Variants in JAK2 observed in about 807,000 individuals in gnomAD.
JAK2 encodes Janus kinase 2, also known as tyrosine-protein kinase JAK2.
A neutral mutation model predicts 139.3 loss-of-function variants in JAK2; 86 were observed. The ratio of observed to expected loss-of-function variants is 0.62; its 90% confidence interval spans 0.52 to 0.74. The LOEUF (loss-of-function observed/expected upper bound fraction) is 0.74, where lower values mean the gene tolerates loss of function less well. Ranked by LOEUF, JAK2 falls within the 30% of genes least tolerant of loss-of-function variation. The pLI is 0.00. For missense variants in JAK2, 1,421 were observed against 1,360.3 expected, an observed-to-expected ratio of 1.04 and a Z score of -0.70; for synonymous variants, 490 against 437.7, an observed-to-expected ratio of 1.12 and a Z score of -1.49.
intron 22 of JAK2, among the ~76,000 whole-genome samples, chr9:5,117,977 G>C (rs1823332844): frequency 6.6e-6 from 1 of 152,132 alleles, no homozygotes; most frequent in Non-Finnish European, 1.5e-5. Flanking sequence ...TTTTTAAATT[G>C]ATAGCTAATT....
intron 4 of JAK2, among the ~76,000 whole-genome samples, chr9:5,032,320 G>A (rs1468036771): frequency 6.6e-6 from 1 of 152,210 alleles, no homozygotes; most frequent in Non-Finnish European, 1.5e-5. Context: ...CCACCTCTGG[G>A]GGCAGGGCAT....
intron 22 of JAK2, among the ~76,000 whole-genome samples, chr9:5,093,466 G>A (rs1196965229): frequency 1.3e-5 from 2 of 152,148 alleles, no homozygotes; most frequent in Non-Finnish European, 2.9e-5. Flanking sequence ...TGTCTCTTAC[G>A]TTTAATCAGT....
intron 11 of JAK2, 65 bp from the exon 12 acceptor site, chr9:5,069,860 C>G (rs1356968816): frequency 9.3e-7 from 1 of 1,080,138 alleles, no homozygotes; most frequent in Admixed American, 2.7e-5. Flanking sequence ...CATTTTACTC[C>G]TCTTTGGAGC....
intron 23 of JAK2, among the ~76,000 whole-genome samples, chr9:5,124,841 G>A (rs1213400462): frequency 1.3e-5 from 2 of 151,376 alleles, no homozygotes; most frequent in African/African-American, 4.8e-5. Context: ...TTTATCCAAA[G>A]AATAGTAAGC....
intron 23 of JAK2, among the ~76,000 whole-genome samples, chr9:5,124,540 C>A (rs1452530836): frequency 4.6e-5 from 7 of 151,722 alleles, no homozygotes; most frequent in Admixed American, 2.6e-4. Context: ...CATTTGTTCA[C>A]AGAATTAGAA....
At chr9:5,028,841 C>G (rs768741674) in intron 3 of JAK2, among the ~76,000 whole-genome samples, 1 of 152,226 alleles carries the variant, frequency 6.6e-6, no homozygotes, top group Non-Finnish European at 1.5e-5. Flanking sequence ...GGGCCTTGCT[C>G]TGGTTTAGGG....
intron 22 of JAK2, chr9:5,114,144 G>A (rs1290102913): frequency 2.5e-6 from 1 of 395,610 alleles, no homozygotes; most frequent in Non-Finnish European, 5.0e-6. Flanking sequence ...TAACACCTTT[G>A]AGGACAGTGC....
chr9:5,124,213 AT>A (rs1823828450), intron 23 of JAK2, among the ~76,000 whole-genome samples: 1 of 151,982 alleles, frequency 6.6e-6, no homozygotes. Context: ...TTTTAGCTTA[AT>A]AAAGTCTCAT....
At chr9:5,076,384 C>T (rs1470612014) in intron 14 of JAK2, among the ~76,000 whole-genome samples, 3 of 152,176 alleles carry the variant, frequency 2.0e-5, no homozygotes, top group Admixed American at 2.0e-4. Flanking sequence ...GAAACTGCCA[C>T]AGCTACCTGA....
intron 22 of JAK2, among the ~76,000 whole-genome samples, chr9:5,105,896 T>A (rs1821914237): frequency 6.6e-6 from 1 of 152,232 alleles, no homozygotes; most frequent in African/African-American, 2.4e-5. Context: ...TCCTTACACC[T>A]TATAGAAAAA....
chr9:5,066,763 A>G lies in JAK2; in HGVS notation c.1300A>G (p.Lys434Glu), dbSNP rs1263357359. The part of the protein sequence containing the change: ...VLRCSPKDFN[K>E]YFLTFAVERE... ...TCGATGCAGTCCTAAGGACTTTAAT[A>G]AATATTTTTTGACTTTTGCTGTCGA... Residue 434 changes from lysine (K) to glutamate (E), a missense_variant, in exon 10 of 25, where the codon AAA becomes GAA. By Grantham distance (56) the Lys-to-Glu change is moderately conservative. Transcript: ENST00000381652. 1.3e-6 allele frequency: 2 copies of G among 1,563,014 alleles called. No homozygotes were observed. The highest frequency in any genetic ancestry group is 8.6e-7 in the Non-Finnish European group (1 of 1,156,714).
chr9:5,028,745 C>A (rs942883150), intron 3 of JAK2, among the ~76,000 whole-genome samples: 6 of 152,174 alleles, frequency 3.9e-5, no homozygotes, highest in Non-Finnish European at 8.8e-5. Context: ...TTTTCTTAAA[C>A]CTCATGAACC....
intron 22 of JAK2, chr9:5,110,663 T>C (rs1253992376): frequency 4.1e-6 from 1 of 242,444 alleles, no homozygotes; most frequent in African/African-American, 2.3e-5. Context: ...CCACAAATAC[T>C]GTCATATACC....
intron 19 of JAK2, among the ~76,000 whole-genome samples, chr9:5,088,879 G>A (rs975954565): frequency 2.6e-5 from 4 of 152,128 alleles, no homozygotes; most frequent in African/African-American, 4.8e-5. Context: ...TCCTCACAAG[G>A]CCCTATCTCC....
At chr9:5,068,520 T>G (rs3780365) in intron 10 of JAK2, among the ~76,000 whole-genome samples, 1 of 151,954 alleles carries the variant, frequency 6.6e-6, no homozygotes, top group East Asian at 1.9e-4. Flanking sequence ...GGTTCATTGC[T>G]CAGAAGAAGT....
intron 19 of JAK2, among the ~76,000 whole-genome samples, chr9:5,082,420 C>G (rs1011336344): frequency 6.6e-6 from 1 of 152,236 alleles, no homozygotes; most frequent in Non-Finnish European, 1.5e-5. Flanking sequence ...AATAAAGCAG[C>G]ATTGCTGCCA....
chr9:5,037,835 A>G (rs1400724512), intron 4 of JAK2, among the ~76,000 whole-genome samples: 2 of 152,236 alleles, frequency 1.3e-5, no homozygotes, highest in Non-Finnish European at 2.9e-5. Context: ...GTGCACATGT[A>G]CCCTAAAACT....
intron 4 of JAK2, among the ~76,000 whole-genome samples, chr9:5,037,401 T>G (rs965211628): frequency 6.6e-6 from 1 of 152,214 alleles, no homozygotes; most frequent in Non-Finnish European, 1.5e-5. Context: ...TAAAGACACA[T>G]GCACACGTAT....
chr9:5,031,491 G>C (rs1334230710), intron 4 of JAK2, among the ~76,000 whole-genome samples: 1 of 152,094 alleles, frequency 6.6e-6, no homozygotes, highest in Non-Finnish European at 1.5e-5. Flanking sequence ...GTCAACAAAT[G>C]GTGGTAGAAT....
Sources: gnomAD v4.1 joint callset for allele counts (sites outside exome capture counted in the v4.1 genomes callset) on GRCh38, gnomAD v4.1.1 for gene constraint, MANE v1.5 for transcripts, NCBI Gene and HGNC (gene_info 2026-07-23, HGNC 2026-07-21) for gene names.